NKAIN2: variants seen among roughly 807,000 people sequenced by gnomAD.
NKAIN2 encodes sodium/potassium transporting ATPase interacting 2.
In NKAIN2, 14 loss-of-function variants were observed where a neutral mutation model predicts 32.6. The observed-to-expected ratio is 0.43, with a 90% CI of 0.28 to 0.67. NKAIN2 has a LOEUF of 0.67. Ranked by LOEUF, NKAIN2 falls within the 30% of genes least tolerant of loss-of-function variation. The probability of loss-of-function intolerance (pLI) is 0.17; values close to 1 mark genes in which losing one functional copy is unlikely to be tolerated. For synonymous variants in NKAIN2, 80 were observed against 87.2 expected, an observed-to-expected ratio of 0.92 and a Z score of 0.46; for missense variants, 198 against 258.3, an observed-to-expected ratio of 0.77 and a Z score of 1.60.
intron 1 of NKAIN2, among the ~76,000 whole-genome samples, chr6:123,923,954 A>T (rs182298352): frequency 0.029 from 4,320 of 147,044 alleles, 231 homozygotes; most frequent in African/African-American, 0.11. Flanking sequence ...TAATAAAAAT[A>T]AAAAAAATTA....
chr6:123,890,650 C>G (rs1216358578), intron 1 of NKAIN2, among the ~76,000 whole-genome samples: 1 of 151,900 alleles, frequency 6.6e-6, no homozygotes, highest in Non-Finnish European at 1.5e-5. Flanking sequence ...ATTAACAAAA[C>G]AAAACAAAAA....
intron 1 of NKAIN2, among the ~76,000 whole-genome samples, chr6:124,279,485 T>C (rs1328314339): frequency 7.3e-6 from 1 of 136,926 alleles, no homozygotes; most frequent in Non-Finnish European, 1.5e-5. Context: ...CCATCCAGCC[T>C]GGACAACAAA....
At chr6:124,273,933 T>C (rs1252697964) in intron 1 of NKAIN2, among the ~76,000 whole-genome samples, 1 of 152,208 alleles carries the variant, frequency 6.6e-6, no homozygotes, top group Non-Finnish European at 1.5e-5. Context: ...TTTTGATATG[T>C]TCTGGTTCTT....
intron 3 of NKAIN2, among the ~76,000 whole-genome samples, chr6:124,570,345 C>A (rs1043515606): frequency 1.3e-5 from 2 of 152,194 alleles, no homozygotes; most frequent in East Asian, 3.9e-4. Flanking sequence ...AATGTTAATC[C>A]CCAAGACCAT....
At chr6:123,831,558 C>A (rs973577795) in intron 1 of NKAIN2, among the ~76,000 whole-genome samples, 2 of 150,274 alleles carry the variant, frequency 1.3e-5, no homozygotes, top group Non-Finnish European at 3.0e-5. Context: ...TAGGTTAATA[C>A]CAAAATAAAG....
intron 1 of NKAIN2, among the ~76,000 whole-genome samples, chr6:124,023,257 A>G (rs1360508506): frequency 6.6e-6 from 1 of 151,778 alleles, no homozygotes; most frequent in Admixed American, 6.6e-5. Flanking sequence ...TGTATTATAT[A>G]ATGTATGTGG....
intron 2 of NKAIN2, among the ~76,000 whole-genome samples, chr6:124,288,457 T>A (rs1292672880): frequency 6.6e-6 from 1 of 152,238 alleles, no homozygotes. Context: ...ATTATGTTTT[T>A]AACTCCTTAG....
rs568595412 is a variant in NKAIN2, at chr6:123,845,391, A to G, written c.54+41137A>G. 3.3e-5 allele frequency among the ~76,000 whole-genome samples: 5 copies of G among 152,362 alleles called. No homozygotes were observed. The East Asian group carries it at 9.6e-4, about 29-fold the overall frequency. ...ATGCAGTCATCAAAAAGAATAATAC[A>G]AAAGTGACATGACAAATAGAGATTT... On this transcript the variant is annotated intron_variant, in intron 1 of 6. Transcript: ENST00000368417.
At chr6:124,701,560 G>A (rs996346202) in intron 4 of NKAIN2, among the ~76,000 whole-genome samples, 3 of 152,078 alleles carry the variant, frequency 2.0e-5, no homozygotes, top group African/African-American at 4.8e-5. Context: ...AGAAGTAAGT[G>A]ATAAAGTGAG....
intron 3 of NKAIN2, among the ~76,000 whole-genome samples, chr6:124,630,532 C>G (rs1483988467): frequency 1.3e-5 from 2 of 152,096 alleles, no homozygotes; most frequent in Non-Finnish European, 2.9e-5. Flanking sequence ...CACTCATAGT[C>G]TTTTACTTTT....
At chr6:124,392,698 C>G (rs73578412) in intron 3 of NKAIN2, among the ~76,000 whole-genome samples, 5,944 of 152,150 alleles carry the variant, frequency 0.039, 354 homozygotes, top group African/African-American at 0.14. Context: ...GAAAAAAATA[C>G]AATTCTTCCT....
At chr6:124,386,224 G>T (rs551344418) in intron 3 of NKAIN2, among the ~76,000 whole-genome samples, 1 of 152,130 alleles carries the variant, frequency 6.6e-6, no homozygotes, top group Non-Finnish European at 1.5e-5. Flanking sequence ...AGAAGTACTC[G>T]CTGGTAACGC....
intron 1 of NKAIN2, among the ~76,000 whole-genome samples, chr6:123,895,875 G>A (rs538622926): frequency 1.3e-5 from 2 of 150,298 alleles, no homozygotes; most frequent in African/African-American, 4.8e-5. Flanking sequence ...ACATTCGTTC[G>A]TCTCCCTTAT....
intron 3 of NKAIN2, among the ~76,000 whole-genome samples, chr6:124,635,589 A>C (rs1783744298): frequency 6.6e-6 from 1 of 152,084 alleles, no homozygotes; most frequent in Non-Finnish European, 1.5e-5. Context: ...CATAGATTCT[A>C]AGTGAATAAA....
chr6:124,670,232 A>C (rs1413509322), intron 4 of NKAIN2, among the ~76,000 whole-genome samples: 1 of 152,068 alleles, frequency 6.6e-6, no homozygotes, highest in Admixed American at 6.6e-5. Flanking sequence ...CGATTATAAA[A>C]CCTATTCTCC....
chr6:124,076,497 AAAGAT>A (rs1167485652), intron 1 of NKAIN2, among the ~76,000 whole-genome samples: 3 of 152,212 alleles, frequency 2.0e-5, no homozygotes, highest in East Asian at 1.9e-4. Flanking sequence ...TTACTAAACA[AAAGAT>A]AAGAGAAAGT....
intron 1 of NKAIN2, among the ~76,000 whole-genome samples, chr6:123,995,478 A>G (rs1779580721): frequency 6.6e-6 from 1 of 152,190 alleles, no homozygotes; most frequent in South Asian, 2.1e-4. Context: ...TAAGGCACCA[A>G]CCTGGTTATG....
intron 3 of NKAIN2, among the ~76,000 whole-genome samples, chr6:124,387,300 T>G (rs939538471): frequency 6.6e-6 from 1 of 152,086 alleles, no homozygotes; most frequent in African/African-American, 2.4e-5. Flanking sequence ...AAAGGTTTTT[T>G]TTTTTTTTTT....
At chr6:124,623,792 G>A (rs1047654284) in intron 3 of NKAIN2, among the ~76,000 whole-genome samples, 2 of 151,988 alleles carry the variant, frequency 1.3e-5, no homozygotes, top group South Asian at 2.1e-4. Context: ...ACTGTTTCAC[G>A]CCCAGACATG....
Sources: gnomAD v4.1 joint callset for allele counts (sites outside exome capture counted in the v4.1 genomes callset) on GRCh38, gnomAD v4.1.1 for gene constraint, MANE v1.5 for transcripts, NCBI Gene and HGNC (gene_info 2026-07-23, HGNC 2026-07-21) for gene names.